RHPN2: variants seen among roughly 807,000 people sequenced by gnomAD.
RHPN2 encodes rhophilin Rho GTPase binding protein 2, also known as rhophilin-2.
A neutral mutation model predicts 79.0 loss-of-function variants in RHPN2; 40 were observed. That is an observed-to-expected ratio of 0.51 (90% CI 0.39 to 0.66). RHPN2 has a LOEUF of 0.66. Among genes scored for constraint, RHPN2 ranks in the 30% least tolerant of loss-of-function variants. The probability of loss-of-function intolerance (pLI) is 0.00; values close to 1 mark genes in which losing one functional copy is unlikely to be tolerated. For missense variants in RHPN2, 686 were observed against 883.5 expected (o/e 0.78, Z 2.83); for synonymous variants, 285 against 363.5 (o/e 0.78, Z 2.46).
At chr19:33,004,637 A>G (rs945698383) in intron 7 of RHPN2, among the ~76,000 whole-genome samples, 1 of 151,690 alleles carries the variant, frequency 6.6e-6, no homozygotes. Context: ...CCCAGGCTGG[A>G]GTGCAGTGGT....
intron 14 of RHPN2, among the ~76,000 whole-genome samples, chr19:32,989,509 G>A (rs372095657): frequency 4.6e-5 from 7 of 152,264 alleles, no homozygotes; most frequent in Admixed American, 6.5e-5. Context: ...CCTCTAGGGC[G>A]TACAGAGGGA....
At position 32,993,969 on chromosome 19, in the gene RHPN2, C is replaced by G. The variant is rs765426555; in HGVS notation, c.1497+8G>C. 16 of 1,605,376 alleles carry G rather than the reference C, an allele frequency of 1.0e-5. No individual in the cohort carries two copies. Among genetic ancestry groups the G allele is most frequent in the Non-Finnish European group, 1.4e-5 (16 of 1,172,124 alleles). ...AGGTCATTTGAATGTAGAGAGCATT[C>G]AACATACCAGCTTCTGGAAGAAGTC... On this transcript the variant is annotated splice_region_variant and intron_variant, in intron 12 of 14. Transcript: ENST00000254260.
chr19:33,031,040 G>A (rs2063861724), intron 2 of RHPN2, among the ~76,000 whole-genome samples: 1 of 152,128 alleles, frequency 6.6e-6, no homozygotes. Context: ...TGATGGACCA[G>A]TACTGGTTTA....
intron 7 of RHPN2, 96 bp from the exon 8 acceptor site, chr19:33,003,096 T>G: frequency 8.9e-7 from 1 of 1,121,698 alleles, no homozygotes; most frequent in Non-Finnish European, 1.3e-6. Context: ...CGGTGGCTCA[T>G]GCCCATAATC....
At chr19:33,054,795 C>T (rs6510337) in intron 1 of RHPN2, among the ~76,000 whole-genome samples, 81,870 of 152,206 alleles carry the variant, frequency 0.54, 26,170 homozygotes, top group African/African-American at 0.87. Flanking sequence ...CTAAAGCCAA[C>T]GCCCAGTAGC....
At chr19:33,005,596 T>C (rs1208327826) in intron 7 of RHPN2, among the ~76,000 whole-genome samples, 2 of 138,620 alleles carry the variant, frequency 1.4e-5, no homozygotes, top group African/African-American at 5.5e-5. Flanking sequence ...TCCTCTGGTT[T>C]TGTTGCTGAG....
chr19:32,991,188 T>G (rs1363050725), intron 13 of RHPN2: 1 of 193,740 alleles, frequency 5.2e-6, no homozygotes, highest in Non-Finnish European at 1.1e-5. Flanking sequence ...CCGGGCCAGG[T>G]GGCTCACACT....
Position 33,011,908 on chromosome 19 carries a change from T to C in RHPN2, c.469-105A>G, listed in dbSNP as rs1437337077. The C allele has an allele frequency of 7.0e-6, 10 of 1,431,872 alleles. No individual in the cohort carries two copies. The East Asian group carries it at 9.3e-5, about 13-fold the overall frequency. The allele number at this position is 1,431,872 out of a possible 1,614,324, so 88.7% of individuals were successfully genotyped here. On this transcript the variant is annotated intron_variant, in intron 5 of 14. Coordinates refer to ENST00000254260, the MANE Select transcript of RHPN2 (RefSeq NM_033103.5). The stretch of plus-strand genomic sequence containing the variant: ...ACCAGCAGGTGCCTGTAACTATTTC[T>C]GCAGTATGATGACCTCGCTACTGGC...
Position 33,044,269 on chromosome 19 carries a change from G to A in RHPN2, c.165C>T (p.Thr55=), listed in dbSNP as rs751666957. ...QQILKAVRMR[T]GAENLLKVAT... Reference sequence around the variant, plus strand: ...CCTACTTCAGAAGGTTTTCCGCTCCGGTCCTCATCCGCACGGCTTTCAGGA... The same window carrying A: ...CCTACTTCAGAAGGTTTTCCGCTCCAGTCCTCATCCGCACGGCTTTCAGGA... Residue 55 remains threonine, a synonymous_variant, in exon 2 of 15, where the codon ACC becomes ACT. Coordinates refer to ENST00000254260, the MANE Select transcript of RHPN2 (RefSeq NM_033103.5). The A allele has an allele frequency of 4.4e-5, 71 of 1,613,726 alleles. No individual in the cohort carries two copies. Among genetic ancestry groups the A allele is most frequent in the East Asian group, 4.5e-5 (2 of 44,884 alleles).
intron 1 of RHPN2, among the ~76,000 whole-genome samples, chr19:33,046,547 G>A (rs1972144477): frequency 6.6e-6 from 1 of 152,138 alleles, no homozygotes; most frequent in East Asian, 1.9e-4. Context: ...GATTACAGGC[G>A]TGAGCCACTG....
chr19:33,064,755 T>TGGGGGGGCCC, intron 1 of RHPN2, 29 bp downstream of exon 1: 1 of 1,427,948 alleles, frequency 7.0e-7, no homozygotes, highest in Non-Finnish European at 9.4e-7. Flanking sequence ...AGCCCGCAGG[T>TGGGGGGGCCC]CCCCGCCCGC....
At chr19:33,048,724 T>TAAAAAAAAA (rs1824354572) in intron 1 of RHPN2, among the ~76,000 whole-genome samples, 1 of 30,716 alleles carries the variant, frequency 3.3e-5, no homozygotes, top group African/African-American at 8.4e-4. Context: ...AGACTCAGTC[T>TAAAAAAAAA]CAAAAAAAAA....
intron 8 of RHPN2, 88 bp from the exon 9 acceptor site, chr19:33,002,491 C>A (rs1254267018): frequency 2.6e-6 from 4 of 1,517,164 alleles, no homozygotes; most frequent in African/African-American, 1.4e-5. Flanking sequence ...TTCTTCTTCC[C>A]ATGCAACAGC....
At chr19:33,032,667 A>G (rs1187691177) in intron 2 of RHPN2, among the ~76,000 whole-genome samples, 2 of 152,046 alleles carry the variant, frequency 1.3e-5, no homozygotes, top group Non-Finnish European at 2.9e-5. Context: ...AGCTTGTAAA[A>G]CCTGTGCTAC....
intron 12 of RHPN2, among the ~76,000 whole-genome samples, chr19:32,993,118 T>TA (rs55976091): frequency 0.8 from 120,638 of 151,614 alleles, 48,886 homozygotes; most frequent in African/African-American, 0.95. Context: ...ACCATGTCTC[T>TA]AAAAAAACTA....
chr19:33,040,133 A>C (rs940486124), intron 2 of RHPN2, among the ~76,000 whole-genome samples: 1 of 151,934 alleles, frequency 6.6e-6, no homozygotes, highest in Non-Finnish European at 1.5e-5. Context: ...TCTCAGCACA[A>C]CAGGGGAACC....
chr19:33,013,658 G>T (rs10409322), intron 4 of RHPN2, among the ~76,000 whole-genome samples: 1 of 151,726 alleles, frequency 6.6e-6, no homozygotes, highest in East Asian at 2.0e-4. Flanking sequence ...TTCGAGACCA[G>T]TCTATGGCCT....
intron 13 of RHPN2, chr19:32,991,504 T>C: frequency 2.8e-6 from 1 of 356,110 alleles, no homozygotes; most frequent in South Asian, 2.7e-5. Context: ...TGGTGGCACG[T>C]GCCTGTAATC....
Position 32,994,070 on chromosome 19 carries a change from G to A in RHPN2, c.1421-17C>T. 1 of 1,548,952 alleles carries A rather than the reference G, an allele frequency of 6.5e-7. No individual in the cohort carries two copies. Among genetic ancestry groups the A allele is most frequent in the Admixed American group, 1.7e-5 (1 of 59,884 alleles). On this transcript the variant is annotated splice_polypyrimidine_tract_variant and intron_variant, in intron 11 of 14. Transcript: ENST00000254260. ...CAGTTTTAGCTAGAATAGAGGATTAGAAATGGGAGGATAAACGTTTCTGTA... is the reference window on the plus strand; with the variant it reads ...CAGTTTTAGCTAGAATAGAGGATTAAAAATGGGAGGATAAACGTTTCTGTA...
Sources: gnomAD v4.1 joint callset for allele counts (sites outside exome capture counted in the v4.1 genomes callset) on GRCh38, gnomAD v4.1.1 for gene constraint, MANE v1.5 for transcripts, NCBI Gene and HGNC (gene_info 2026-07-23, HGNC 2026-07-21) for gene names.